PRRC2B: variants seen among roughly 807,000 people sequenced by gnomAD.
The protein encoded by PRRC2B is proline rich coiled-coil 2B.
PRRC2B carries 68 observed loss-of-function variants against 242.3 expected under a neutral mutation model. That is an observed-to-expected ratio of 0.28 (90% confidence interval 0.23 to 0.34). The LOEUF is 0.34. Among genes scored for constraint, PRRC2B ranks in the 10% least tolerant of loss-of-function variants. The probability of loss-of-function intolerance (pLI) is 1.00; values close to 1 mark genes in which losing one functional copy is unlikely to be tolerated. For synonymous variants in PRRC2B, 1,228 were observed against 1,173.6 expected (o/e 1.05, Z -0.95); for missense variants, 2,835 against 2,954.8 (o/e 0.96, Z 0.94).
chr9:131,495,615 A>G (rs1403671979), intron 31 of PRRC2B, 125 bp from the exon 32 acceptor site: 1 of 1,105,858 alleles, frequency 9.0e-7, no homozygotes, highest in East Asian at 2.6e-5. Context: ...CCTTCAACCA[A>G]GGGACTGACA....
rs1441446344 is a variant in PRRC2B at position 131,467,686 on chromosome 9, C to A, written c.1844C>A (p.Ala615Glu). The stretch of plus-strand genomic sequence containing the variant: ...GAGGCCAGAGAGGCTGGGTCCCCTG[C>A]ACAGGAGTTCAAGTATCAGAAGTCC... ...EEEAREAGSP[A>E]QEFKYQKSLP... Residue 615 changes from alanine to glutamate, a missense_variant, in exon 13 of 32, where the codon GCA (alanine) becomes GAA (glutamate). Ala to Glu is a moderately radical substitution (Grantham distance 107). Coordinates refer to ENST00000683519, the MANE Select transcript of PRRC2B (RefSeq NM_013318.4). 6.2e-7 allele frequency: 1 copy of A among 1,613,880 alleles called. No homozygotes were observed.
At chr9:131,409,570 T>G (rs761303881) in intron 1 of PRRC2B, among the ~76,000 whole-genome samples, 5 of 152,226 alleles carry the variant, frequency 3.3e-5, no homozygotes, top group Non-Finnish European at 7.3e-5. Context: ...GTAACTCGCA[T>G]GCATTTCAGT....
Position 131,436,662 on chromosome 9 carries a change from G to A in PRRC2B, c.336G>A (p.Gln112=), listed in dbSNP as rs1838384309. 2 of 1,613,920 alleles carry A rather than the reference G, an allele frequency of 1.2e-6. No individual in the cohort carries two copies. The highest frequency in any genetic ancestry group is 2.7e-5 in the African/African-American group (2 of 74,944). The change falls in exon 4 of 32, where the codon CAG becomes CAA. Residue 112 remains glutamine, a synonymous_variant. Coordinates refer to ENST00000683519, the MANE Select transcript of PRRC2B (RefSeq NM_013318.4). ...TASQPPESLP[Q]PGLQKSVSNL... ...CTCAGCCGCCGGAGTCGCTGCCGCA[G>A]CCGGGTTTGCAGAAATCTGTCTCCA...
At chr9:131,410,000 A>G (rs1837465480) in intron 1 of PRRC2B, among the ~76,000 whole-genome samples, 1 of 152,210 alleles carries the variant, frequency 6.6e-6, no homozygotes, top group Non-Finnish European at 1.5e-5. Flanking sequence ...CATGTATTTC[A>G]TGTATTTCTT....
At chr9:131,490,778 C>T in intron 28 of PRRC2B, 1 of 363,194 alleles carries the variant, frequency 2.8e-6, no homozygotes, top group Non-Finnish European at 5.5e-6. Flanking sequence ...CAGTAAGAGT[C>T]TTGAACGTGT....
intron 9 of PRRC2B, among the ~76,000 whole-genome samples, chr9:131,448,578 GAA>G (rs1200074365): frequency 1.6e-5 from 1 of 61,564 alleles, no homozygotes; most frequent in South Asian, 6.5e-4. Context: ...AAAGGAAAGA[GAA>G]AGAGTCTGGC....
chr9:131,467,424 C>T (rs1943428716), intron 12 of PRRC2B, 139 bp from the exon 13 acceptor site: 4 of 730,218 alleles, frequency 5.5e-6, no homozygotes, highest in African/African-American at 3.5e-5. Flanking sequence ...GCGTTTGGCA[C>T]AGGGCCAGGG....
chr9:131,445,051 C>T (rs1030606259), intron 6 of PRRC2B, among the ~76,000 whole-genome samples: 1 of 152,124 alleles, frequency 6.6e-6, no homozygotes, highest in East Asian at 1.9e-4. Context: ...AAGGCCTCTC[C>T]CATTCAAGTC....
chr9:131,442,021 C>T (rs1838601176), intron 5 of PRRC2B, among the ~76,000 whole-genome samples: 3 of 151,934 alleles, frequency 2.0e-5, no homozygotes, highest in Admixed American at 2.0e-4. Context: ...AAGATTAATT[C>T]ATGCTTACAA....
chr9:131,473,483 G>A (rs1175947507), intron 14 of PRRC2B, 25 bp from the exon 15 acceptor site: 6 of 1,531,458 alleles, frequency 3.9e-6, no homozygotes, highest in Non-Finnish European at 4.5e-6. Flanking sequence ...ATGAGATGAT[G>A]TAGATCAGTC....
At chr9:131,430,067 T>A (rs1838084954) in intron 1 of PRRC2B, 27 bp from the exon 2 acceptor site, 1 of 685,938 alleles carries the variant, frequency 1.5e-6, no homozygotes, top group Non-Finnish European at 2.5e-6. Flanking sequence ...TCTCTTTTTT[T>A]TTTTTTCTTC....
intron 9 of PRRC2B, among the ~76,000 whole-genome samples, chr9:131,449,521 T>C (rs1169946911): frequency 6.6e-6 from 1 of 152,228 alleles, no homozygotes; most frequent in African/African-American, 2.4e-5. Flanking sequence ...AATTTGCATT[T>C]TGCTGATGAC....
intron 12 of PRRC2B, 78 bp from the exon 13 acceptor site, chr9:131,467,485 A>G: frequency 7.9e-7 from 1 of 1,268,724 alleles, no homozygotes; most frequent in Admixed American, 2.4e-5. Flanking sequence ...AACAGGAAGA[A>G]GTACTTGTTT....
intron 1 of PRRC2B, 52 bp downstream of exon 1, chr9:131,394,315 T>C (rs1836978367): frequency 6.9e-6 from 1 of 144,064 alleles, no homozygotes; most frequent in African/African-American, 2.5e-5. Flanking sequence ...GGCGCTAAGA[T>C]GGAGGCGGCG....
chr9:131,492,407 C>G, intron 30 of PRRC2B, 147 bp downstream of exon 30: 1 of 624,214 alleles, frequency 1.6e-6, no homozygotes, highest in South Asian at 1.9e-5. Context: ...TGTTTCAGCA[C>G]TGGGATGCAC....
In PRRC2B at chr9:131,482,945, C is replaced by CT; in HGVS notation, c.5373+43dup. The CT allele has an allele frequency of 6.4e-7, 1 of 1,565,288 alleles. No homozygotes were observed. The highest frequency in any genetic ancestry group is 2.4e-5 in the East Asian group (1 of 42,282). On this transcript the variant is annotated intron_variant, in intron 22 of 31. Coordinates refer to ENST00000683519, the MANE Select transcript of PRRC2B (RefSeq NM_013318.4). This position sits in a 1 kb window ranked among gnomAD's most constrained non-coding sequence, Gnocchi z 5.2. ...TTTGTTTTCTTGCTTGCTTTTTTTA[C>CT]TTTTTATTTTGGTACTTGGAGAGGC...
chr9:131,445,224 G>A lies in PRRC2B; in HGVS notation c.613+896G>A, dbSNP rs185941584. Among the ~76,000 whole-genome samples the A allele has an allele frequency of 3.3e-5, 5 of 151,928 alleles. No individual in the cohort carries two copies. The East Asian group carries it at 5.8e-4, about 18-fold the overall frequency. ...TGCCCAGGGTGGAGTGCAATGGTGC[G>A]ATCTCTGCTCACTGCAACCTCCGCC... On this transcript the variant is annotated intron_variant, in intron 6 of 31. Transcript: ENST00000683519.
At chr9:131,374,765 G>C (rs932918522) in intron 1 of PRRC2B, among the ~76,000 whole-genome samples, 1 of 152,128 alleles carries the variant, frequency 6.6e-6, no homozygotes, top group Non-Finnish European at 1.5e-5. Flanking sequence ...GACCTCAGGT[G>C]ATCTGCCCAT....
chr9:131,391,621 C>G (rs1012225428), upstream of PRRC2B, among the ~76,000 whole-genome samples: 1 of 152,136 alleles, frequency 6.6e-6, no homozygotes, highest in South Asian at 2.1e-4. Flanking sequence ...GATGGGCACA[C>G]TAGTGTCTGT....
Sources: allele counts gnomAD v4.1 joint callset (sites outside exome capture counted in the v4.1 genomes callset), GRCh38; gene constraint gnomAD v4.1.1; non-coding constraint Gnocchi (gnomAD v3.1); transcripts MANE v1.5; gene names NCBI Gene and HGNC (gene_info 2026-07-23, HGNC 2026-07-21).